The following PIK3R6 variants were observed in gnomAD, a reference collection of about 807,000 sequenced individuals.
PIK3R6 encodes the protein phosphoinositide-3-kinase regulatory subunit 6.
A neutral mutation model predicts 84.9 loss-of-function variants in PIK3R6; 91 were observed. The ratio of observed to expected loss-of-function variants is 1.07; its 90% CI spans 0.90 to 1.28. PIK3R6 has a LOEUF of 1.28. PIK3R6 is among the 50% of genes most tolerant of loss of function. PIK3R6 has a pLI of 0.00. For missense variants in PIK3R6, 996 were observed against 985.1 expected (o/e 1.01, Z -0.15); for synonymous variants, 416 against 411.4 (o/e 1.01, Z -0.13).
chr17:8,831,212 C>G (rs1460139802), intron 9 of PIK3R6, among the ~76,000 whole-genome samples: 1 of 148,196 alleles, frequency 6.7e-6, no homozygotes, highest in Non-Finnish European at 1.5e-5. Context: ...TGCCTGTGGT[C>G]CCAGCTAGTC....
intron 18 of PIK3R6, among the ~76,000 whole-genome samples, chr17:8,809,094 A>G (rs1044788314): frequency 6.6e-6 from 1 of 152,204 alleles, no homozygotes; most frequent in Non-Finnish European, 1.5e-5. Context: ...CCATCAGACT[A>G]ACAGCAGGCT....
intron 18 of PIK3R6, among the ~76,000 whole-genome samples, chr17:8,812,604 C>T (rs1464121595): frequency 2.0e-5 from 3 of 152,028 alleles, no homozygotes; most frequent in Non-Finnish European, 4.4e-5. Context: ...CAAGAGGAAC[C>T]CTCAAAACTA....
chr17:8,860,850 C>G (rs1333034186), intron 1 of PIK3R6, among the ~76,000 whole-genome samples: 1 of 152,028 alleles, frequency 6.6e-6, no homozygotes, highest in Non-Finnish European at 1.5e-5. Context: ...CCAGGCACAC[C>G]ACACCAGCAC....
chr17:8,833,838 C>T (rs992631843), intron 8 of PIK3R6, among the ~76,000 whole-genome samples: 2 of 151,810 alleles, frequency 1.3e-5, no homozygotes, highest in African/African-American at 4.8e-5. Context: ...CCGCGCTTGG[C>T]CGAAAGTGAC....
rs1251477503 is a variant in PIK3R6, at chr17:8,802,814, G to A, written c.*459C>T. On this transcript the variant is annotated 3_prime_UTR_variant, in exon 20 of 20. Transcript: ENST00000619866. ...GACACCTGCCTGGGCTGAGTGAGGT[G>A]GGCAGTGGCCTGAGAGTGGGAAGGG... is the stretch of plus-strand genomic sequence containing the variant. 2 of 170,394 alleles carry A rather than the reference G, an allele frequency of 1.2e-5. No individual in the cohort carries two copies. 10.6% of individuals were successfully genotyped at this position (170,394 alleles called of 1,614,324 possible). A position where few individuals can be genotyped will look rare whatever the true frequency, so the allele number is the denominator to read the frequency against.
Position 8,803,180 on chromosome 17 carries a change from T to G in PIK3R6, c.*93A>C. 6.6e-7 allele frequency: 1 copy of G among 1,518,152 alleles called. No individual in the cohort carries two copies. The highest frequency in any genetic ancestry group is 9.0e-7 in the Non-Finnish European group (1 of 1,108,412). The allele number at this position is 1,518,152 out of a possible 1,614,324, so 94.0% of individuals were successfully genotyped here. ...CTCCTGGTCAAGGCCAAAGCTGCCG[T>G]GTGGAGCCGGGCCTTGCTCTGGCTG... On this transcript the variant is annotated 3_prime_UTR_variant, in exon 20 of 20. Coordinates refer to ENST00000619866, the MANE Select transcript of PIK3R6 (RefSeq NM_001010855.4). The surrounding 1 kb of genome is among the most constrained non-coding windows in gnomAD (Gnocchi z 5.0).
intron 1 of PIK3R6, among the ~76,000 whole-genome samples, chr17:8,852,506 G>A (rs556418442): frequency 2.0e-4 from 30 of 152,214 alleles, no homozygotes; most frequent in Admixed American, 9.2e-4. Flanking sequence ...TGGGGAGGCC[G>A]AGGTGGGCGG....
chr17:8,828,886 G>A lies in PIK3R6; in HGVS notation c.994C>T (p.Arg332Trp), dbSNP rs202085537. Residue 332 changes from arginine (R) to tryptophan (W), a missense_variant, in exon 11 of 20, where the codon CGG (arginine) becomes TGG (tryptophan). By Grantham distance (101) the Arg-to-Trp change is moderately radical. Transcript: ENST00000619866. ...QGLRPDRELARVSVLSTDSGI... is the reference protein window; with the variant it reads ...QGLRPDRELAWVSVLSTDSGI... ...CTGTCAGTGGACAGCACAGAAACCCGGGCCAACTCCCGGTCCGGCCGGAGG... is the reference window on the plus strand; with the variant it reads ...CTGTCAGTGGACAGCACAGAAACCCAGGCCAACTCCCGGTCCGGCCGGAGG... 712 of 1,575,826 alleles carry A rather than the reference G, an allele frequency of 4.5e-4. No individual in the cohort carries two copies. The highest frequency in any genetic ancestry group is 5.7e-4 in the Non-Finnish European group (658 of 1,160,462).
rs1197619352 is a variant in PIK3R6, at chr17:8,819,893, TATATGTGTATACATACATATATATA to T, written c.1880-720_1880-696del. ...ATATGTATATATACACACACACGTA[TATATGTGTATACATACATATATATA>T]TTTTATATATATATATATATTTTTA... On this transcript the variant is annotated intron_variant, in intron 17 of 19. Transcript: ENST00000619866. 9.9e-3 allele frequency among the ~76,000 whole-genome samples: 1,457 copies of T among 146,704 alleles called. 35 individuals carry two copies. The highest frequency in any genetic ancestry group is 0.034 in the African/African-American group (1,367 of 40,260).
chr17:8,854,303 C>T (rs1025807850), intron 1 of PIK3R6, among the ~76,000 whole-genome samples: 2 of 152,238 alleles, frequency 1.3e-5, no homozygotes, highest in Non-Finnish European at 2.9e-5. Flanking sequence ...CACACGCCAC[C>T]ATGCCCAGGT....
rs923460412 is a variant in PIK3R6 at position 8,862,854 on chromosome 17, C to T, written c.-92+4675G>A. On this transcript the variant is annotated intron_variant, in intron 1 of 19. Transcript: ENST00000619866. The surrounding 1 kb of genome is among the most constrained non-coding windows in gnomAD (Gnocchi z 4.3). ...TGGCTGAGGGACAAATCCCAACAAC[C>T]TGGGAGATGTCCTGTGGTCACTCCC... is the stretch of plus-strand genomic sequence containing the variant. 3.3e-5 allele frequency among the ~76,000 whole-genome samples: 5 copies of T among 152,204 alleles called. No individual in the cohort carries two copies. Among genetic ancestry groups the T allele is most frequent in the Non-Finnish European group, 5.9e-5 (4 of 68,038 alleles).
intron 18 of PIK3R6, among the ~76,000 whole-genome samples, chr17:8,807,507 G>A (rs1597373797): frequency 6.6e-6 from 1 of 152,272 alleles, no homozygotes; most frequent in East Asian, 1.9e-4. Flanking sequence ...TGGAGGATGT[G>A]GAAGGAAGGG....
At chr17:8,813,495 G>A (rs755919727) in intron 18 of PIK3R6, among the ~76,000 whole-genome samples, 1 of 152,100 alleles carries the variant, frequency 6.6e-6, no homozygotes, top group Non-Finnish European at 1.5e-5. Context: ...GAACATAGAT[G>A]CAAAAATCCT....
chr17:8,819,425 C>T (rs901030241), intron 17 of PIK3R6, among the ~76,000 whole-genome samples: 14 of 151,892 alleles, frequency 9.2e-5, no homozygotes, highest in Non-Finnish European at 1.6e-4. Context: ...CTCAGGTCAG[C>T]GGCCATCACC....
In PIK3R6 at chr17:8,833,008, G is replaced by T; in HGVS notation, c.683C>A (p.Ala228Asp). The change falls in exon 9 of 20, where the codon GCC (alanine) becomes GAC (aspartate). Residue 228 changes from alanine (A) to aspartate (D), a missense_variant. Transcript: ENST00000619866. ...PRRTLEHYFH[A>D]VVAALEQMAS... ...CATCTGCTCCAAGGCGGCCACCACG[G>T]CGTGGAAATAGTGCTCCAGGGTGCG... 1 of 1,609,942 alleles carries T rather than the reference G, an allele frequency of 6.2e-7. No individual in the cohort carries two copies.
chr17:8,865,942 C>G (rs989613136), intron 1 of PIK3R6, among the ~76,000 whole-genome samples: 1 of 152,114 alleles, frequency 6.6e-6, no homozygotes, highest in Non-Finnish European at 1.5e-5. Context: ...CAGGTGGGGC[C>G]TGAATGCAGC....
rs544613897 is a variant in PIK3R6, at chr17:8,832,873, T to C, written c.802+16A>G. 1.1e-4 allele frequency: 183 copies of C among 1,612,254 alleles called. No individual in the cohort carries two copies. The highest frequency in any genetic ancestry group is 1.4e-4 in the Non-Finnish European group (171 of 1,179,666). On this transcript the variant is annotated intron_variant, in intron 9 of 19. Coordinates refer to ENST00000619866, the MANE Select transcript of PIK3R6 (RefSeq NM_001010855.4). Reference sequence around the variant, plus strand: ...GCGGGACTCTTGCCAAGGCCCCCCATCTGCCAGTCGCTTACCACCGCAGCG... The same window carrying C: ...GCGGGACTCTTGCCAAGGCCCCCCACCTGCCAGTCGCTTACCACCGCAGCG...
rs2088576518 is a variant in PIK3R6 at position 8,838,888 on chromosome 17, G to A, written c.98-233C>T. Among the ~76,000 whole-genome samples the A allele has an allele frequency of 9.9e-5, 4 of 40,356 alleles. No individual in the cohort carries two copies. The South Asian group carries it at 2.5e-3, about 25-fold the overall frequency. The allele number at this position is 40,356 out of a possible 152,430, so 26.5% of individuals were successfully genotyped here. A position where few individuals can be genotyped will look rare whatever the true frequency, so the allele number is the denominator to read the frequency against. ...AATTCCCAGGGCAGAAAGGAGGGCA[G>A]GTGGGACACACCAGTGGGGACAGGT... On this transcript the variant is annotated intron_variant, in intron 3 of 19. Coordinates refer to ENST00000619866, the MANE Select transcript of PIK3R6 (RefSeq NM_001010855.4).
intron 18 of PIK3R6, 56 bp downstream of exon 18, chr17:8,819,027 C>A (rs923301561): frequency 2.9e-6 from 4 of 1,356,148 alleles, no homozygotes; most frequent in Non-Finnish European, 4.0e-6. Flanking sequence ...GGGCTCCCAG[C>A]CACCTACTGC....
Sources: allele counts gnomAD v4.1 joint callset (sites outside exome capture counted in the v4.1 genomes callset), GRCh38; gene constraint gnomAD v4.1.1; non-coding constraint Gnocchi (gnomAD v3.1); transcripts MANE v1.5; gene names NCBI Gene and HGNC (gene_info 2026-07-23, HGNC 2026-07-21).